The following UTP25 variants were observed in gnomAD, a reference collection of about 807,000 sequenced individuals.
UTP25 encodes UTP25 small subunit processome component.
In UTP25, 50 loss-of-function variants were observed where a neutral mutation model predicts 78.9. That is an observed-to-expected ratio of 0.63 (90% CI 0.50 to 0.80). The LOEUF (loss-of-function observed/expected upper bound fraction) is 0.80. UTP25 is among the 30% of genes least tolerant of loss of function. The pLI, the probability that UTP25 is intolerant of heterozygous loss-of-function variation, is 0.00. For missense variants in UTP25, 846 were observed against 911.3 expected, an observed-to-expected ratio of 0.93 and a Z score of 0.92; for synonymous variants, 329 against 336.5, an observed-to-expected ratio of 0.98 and a Z score of 0.24.
chr1:209,833,873 C>T (rs17015309), intron 4 of UTP25, among the ~76,000 whole-genome samples: 19,185 of 152,122 alleles, frequency 0.13, 1,351 homozygotes, highest in South Asian at 0.21. Flanking sequence ...GTGGTCAAGA[C>T]GTGCCTATGG....
At chr1:209,845,314 G>A (rs563514219) in intron 11 of UTP25, among the ~76,000 whole-genome samples, 15 of 152,292 alleles carry the variant, frequency 9.8e-5, no homozygotes, top group Non-Finnish European at 1.6e-4. Context: ...GTAAGTTGTC[G>A]TTTCCATTCA....
chr1:209,841,488 A>C (rs995146458), intron 8 of UTP25, among the ~76,000 whole-genome samples: 1 of 152,116 alleles, frequency 6.6e-6, no homozygotes, highest in Non-Finnish European at 1.5e-5. Flanking sequence ...AAGATTTTTT[A>C]AGGTGGGATC....
In UTP25 at chr1:209,851,494, G is replaced by C; in HGVS notation, c.*47G>C. 1.3e-6 allele frequency: 2 copies of C among 1,544,542 alleles called. No homozygotes were observed. Among genetic ancestry groups the C allele is most frequent in the Non-Finnish European group, 1.7e-6 (2 of 1,146,864 alleles). Reference sequence around the variant, plus strand: ...GTATTTGGCATGATACATAATGTTTGATTCTATGCCATTTGGACCCAATTC... The same window carrying C: ...GTATTTGGCATGATACATAATGTTTCATTCTATGCCATTTGGACCCAATTC... On this transcript the variant is annotated 3_prime_UTR_variant, in exon 12 of 12. Transcript: ENST00000491415.
chr1:209,856,158 T>C lies in UTP25; in HGVS notation c.*4711T>C, dbSNP rs1239583397. On this transcript the variant is annotated 3_prime_UTR_variant, in exon 12 of 12. Transcript: ENST00000491415. ...CCACTTCTCAGTTTTCTCATCTTTATGAAGTATGGAGTAATCCCCACTAGC... is the reference window on the plus strand; with the variant it reads ...CCACTTCTCAGTTTTCTCATCTTTACGAAGTATGGAGTAATCCCCACTAGC... 2 of 152,272 alleles carry C rather than the reference T, an allele frequency of 1.3e-5. No homozygotes were observed. Among genetic ancestry groups the C allele is most frequent in the African/African-American group, 4.8e-5 (2 of 41,478 alleles). 9.4% of individuals were successfully genotyped at this position (152,272 alleles called of 1,614,324 possible). A position where few individuals can be genotyped will look rare whatever the true frequency, so the allele number is the denominator to read the frequency against.
At chr1:209,836,683 G>C in intron 5 of UTP25, 118 bp from the exon 6 acceptor site, 1 of 1,127,762 alleles carries the variant, frequency 8.9e-7, no homozygotes, top group Non-Finnish European at 1.3e-6. Context: ...CAGGGCTGTT[G>C]TGAGGATTAA....
Position 209,839,002 on chromosome 1 carries a change from G to C in UTP25, c.1156G>C (p.Val386Leu). The C allele has an allele frequency of 6.2e-7, 1 of 1,614,104 alleles. No homozygotes were observed. Among genetic ancestry groups the C allele is most frequent in the African/African-American group, 1.3e-5 (1 of 75,024 alleles). The change falls in exon 7 of 12, where the codon GTG (valine) becomes CTG (leucine). Residue 386 changes from valine to leucine, a missense_variant. By Grantham distance (32) the Val-to-Leu change is conservative (BLOSUM62 1). Coordinates refer to ENST00000491415, the MANE Select transcript of UTP25 (RefSeq NM_014388.7). ...GGGTGACAGCAAGAAGAAAATCATT[G>C]TGAGCAACAAAAAGAGGTTTCAGGG... ...LEGDSKKKII[V>L]SNKKRFQGEY... is the part of the protein sequence containing the mutation.
rs1325247757 is a variant in UTP25, at chr1:209,828,135, T to G, written c.72T>G (p.Leu24=). 4 of 1,614,164 alleles carry G rather than the reference T, an allele frequency of 2.5e-6. No individual in the cohort carries two copies. The highest frequency in any genetic ancestry group is 3.4e-6 in the Non-Finnish European group (4 of 1,180,012). ...TAACTAAAAAGCAGAAGAAACATCT[T>G]CGAGATTTCGGCGAGGAGCATCCCT... ...NTLTKKQKKH[L]RDFGEEHPFY... The change falls in exon 1 of 12, where the codon CTT becomes CTG. Residue 24 remains leucine, a synonymous_variant. Transcript: ENST00000491415.
rs781392165 is a variant in UTP25, at chr1:209,840,991, C to A, written c.1421C>A (p.Ser474Tyr). The change falls in exon 8 of 12, where the codon TCT becomes TAT. Residue 474 changes from serine (S) to tyrosine (Y), a missense_variant. Physicochemically the swap from Ser to Tyr is moderately radical, Grantham distance 144 (BLOSUM62 -2). Coordinates refer to ENST00000491415, the MANE Select transcript of UTP25 (RefSeq NM_014388.7). ...EKKRDFDFLS[S>Y]IELLIIDQAD... ...AAGAGAGATTTTGACTTTCTGTCTT[C>A]TATCGAGCTTCTCATCATTGATCAA... 3.1e-6 allele frequency: 5 copies of A among 1,614,094 alleles called. No homozygotes were observed. Among genetic ancestry groups the A allele is most frequent in the Non-Finnish European group, 4.2e-6 (5 of 1,179,970 alleles).
intron 11 of UTP25, among the ~76,000 whole-genome samples, chr1:209,846,120 G>A (rs528400026): frequency 9.2e-5 from 14 of 152,248 alleles, no homozygotes; most frequent in African/African-American, 1.7e-4. Flanking sequence ...CTCCCAAGAA[G>A]TGTTGGGGTT....
rs751027937 is a variant in UTP25 at position 209,830,795 on chromosome 1, C to A, written c.148-8C>A. 1 of 1,610,550 alleles carries A rather than the reference C, an allele frequency of 6.2e-7. No individual in the cohort carries two copies. Among genetic ancestry groups the A allele is most frequent in the East Asian group, 2.2e-5 (1 of 44,854 alleles). Reference sequence around the variant, plus strand: ...TTTTTGTTCTTAAAATTCTCCTTTTCCTTTTAGTCAGAGAGTTCAGATTCT... The same window carrying A: ...TTTTTGTTCTTAAAATTCTCCTTTTACTTTTAGTCAGAGAGTTCAGATTCT... On this transcript the variant is annotated splice_region_variant and splice_polypyrimidine_tract_variant and intron_variant, in intron 2 of 11. Transcript: ENST00000491415.
In UTP25 at chr1:209,842,280, A is replaced by C; in HGVS notation, c.1501A>C (p.Met501Leu). 6.2e-7 allele frequency: 1 copy of C among 1,613,752 alleles called. No homozygotes were observed. ...WEHVLHLMNHMNLLPLDSHGV... is the reference protein window; with the variant it reads ...WEHVLHLMNHLNLLPLDSHGV... ...CCACTCAAAGCATTTGATGAATCAC[A>C]TGAACCTACTACCCCTGGACTCACA... The change falls in exon 9 of 12, where the codon ATG (methionine) becomes CTG (leucine). Residue 501 changes from methionine to leucine, a missense_variant. Met to Leu is a conservative substitution (Grantham distance 15, BLOSUM62 2). Coordinates refer to ENST00000491415, the MANE Select transcript of UTP25 (RefSeq NM_014388.7).
chr1:209,836,244 C>T (rs995764167), intron 5 of UTP25, among the ~76,000 whole-genome samples: 26 of 151,944 alleles, frequency 1.7e-4, no homozygotes, highest in African/African-American at 6.3e-4. Flanking sequence ...CTGAGGTTGT[C>T]CTATTTTTAG....
rs748308238 is a variant in UTP25 at position 209,837,116 on chromosome 1, G to A, written c.967G>A (p.Ala323Thr). 7.4e-6 allele frequency: 12 copies of A among 1,614,014 alleles called. No individual in the cohort carries two copies. The highest frequency in any genetic ancestry group is 1.0e-5 in the Non-Finnish European group (12 of 1,180,016). Reference protein sequence around the residue: ...HVINHILKANAQVLGNNSRRR... With the variant: ...HVINHILKANTQVLGNNSRRR... The stretch of plus-strand genomic sequence containing the variant: ...GATAAATCACATCCTCAAAGCCAAT[G>A]CCCAGGTGCTTGGCAACAATAGCAG... Residue 323 changes from alanine to threonine, a missense_variant, in exon 6 of 12, where the codon GCC (alanine) becomes ACC (threonine). By Grantham distance (58) the Ala-to-Thr change is moderately conservative. Coordinates refer to ENST00000491415, the MANE Select transcript of UTP25 (RefSeq NM_014388.7).
At position 209,851,366 on chromosome 1, in the gene UTP25, T is replaced by C. The variant is rs749831329; in HGVS notation, c.2190T>C (p.Ala730=). Residue 730 remains alanine (A), a synonymous_variant, in exon 12 of 12, where the codon GCT becomes GCC. Coordinates refer to ENST00000491415, the MANE Select transcript of UTP25 (RefSeq NM_014388.7). ...LYSKYDAQRL[A]AVVGVERAAQ... is the part of the protein sequence containing the mutation. ...CCAAATATGATGCCCAGAGGTTAGC[T>C]GCCGTGGTTGGTGTGGAGCGGGCGG... 2.5e-6 allele frequency: 4 copies of C among 1,614,122 alleles called. No homozygotes were observed. In the African/African-American group the frequency reaches 5.3e-5, roughly 22 times the overall value.
At chr1:209,838,286 TTTTA>T (rs1264870625) in intron 6 of UTP25, among the ~76,000 whole-genome samples, 183 of 152,350 alleles carry the variant, frequency 1.2e-3, no homozygotes, top group Non-Finnish European at 2.1e-4. Flanking sequence ...CATCTTCGGT[TTTTA>T]TTCTCAACAG....
chr1:209,828,401 AT>A (rs71571917), intron 1 of UTP25, among the ~76,000 whole-genome samples: 1,789 of 136,348 alleles, frequency 0.013, 35 homozygotes, highest in African/African-American at 0.042. Flanking sequence ...GTGGGGGAGG[AT>A]TTTTTTTTTT....
intron 4 of UTP25, 29 bp downstream of exon 4, chr1:209,833,387 T>C (rs371268455): frequency 2.0e-6 from 3 of 1,496,344 alleles, no homozygotes; most frequent in Non-Finnish European, 2.7e-6. Flanking sequence ...TTATTTGAAT[T>C]CACCAGGTGC....
chr1:209,837,344 T>C (rs2078139497), intron 6 of UTP25, 133 bp downstream of exon 6: 2 of 1,059,108 alleles, frequency 1.9e-6, no homozygotes, highest in Non-Finnish European at 2.7e-6. Flanking sequence ...AATGTGAGCA[T>C]ATTAAGTAGG....
intron 11 of UTP25, among the ~76,000 whole-genome samples, chr1:209,849,115 G>T (rs749930802): frequency 1.3e-5 from 2 of 152,096 alleles, no homozygotes; most frequent in Non-Finnish European, 2.9e-5. Context: ...GTTTCTCCTT[G>T]CAAGGCATGA....
Sources: gnomAD v4.1 joint callset for allele counts (sites outside exome capture counted in the v4.1 genomes callset) on GRCh38, gnomAD v4.1.1 for gene constraint, MANE v1.5 for transcripts, NCBI Gene and HGNC (gene_info 2026-07-23, HGNC 2026-07-21) for gene names.